Variants in ITGA9 observed in about 807,000 individuals in gnomAD.
ITGA9 encodes the protein integrin subunit alpha 9.
In ITGA9, 56 loss-of-function variants were observed where a neutral mutation model predicts 127.8. That is an observed-to-expected ratio of 0.44 (90% CI 0.35 to 0.55). The LOEUF is 0.55. Ranked by LOEUF, ITGA9 falls within the 20% of genes least tolerant of loss-of-function variation. The probability of loss-of-function intolerance (pLI) is 0.00; values close to 1 mark genes in which losing one functional copy is unlikely to be tolerated. For synonymous variants in ITGA9, 508 were observed against 514.5 expected (o/e 0.99, Z 0.17); for missense variants, 1,196 against 1,347.1 (o/e 0.89, Z 1.76).
intron 12 of ITGA9, among the ~76,000 whole-genome samples, chr3:37,524,397 C>A (rs758295626): frequency 1.3e-4 from 20 of 152,276 alleles, no homozygotes; most frequent in Non-Finnish European, 2.9e-4. Context: ...AGAAAACTAA[C>A]GCAGTCTTGT....
rs563849160 is a variant in ITGA9, at chr3:37,560,352, T to C, written c.1689+17767T>C. 3.3e-5 allele frequency among the ~76,000 whole-genome samples: 5 copies of C among 152,350 alleles called. No homozygotes were observed. The South Asian group carries it at 1.0e-3, about 32-fold the overall frequency. On this transcript the variant is annotated intron_variant, in intron 15 of 27. Coordinates refer to ENST00000264741, the MANE Select transcript of ITGA9 (RefSeq NM_002207.3). ...GCATTTTCTTAATCCAGTCTATCAT[T>C]GATGGACATTTGGATTGGTTCCAAG...
chr3:37,622,081 T>A (rs1700133658), intron 15 of ITGA9, among the ~76,000 whole-genome samples: 1 of 152,150 alleles, frequency 6.6e-6, no homozygotes, highest in Non-Finnish European at 1.5e-5. Context: ...AAAGTTTTGT[T>A]TAAAATTATT....
At chr3:37,494,698 T>G in intron 5 of ITGA9, 130 bp downstream of exon 5, 1 of 770,026 alleles carries the variant, frequency 1.3e-6, no homozygotes, top group Non-Finnish European at 2.3e-6. Flanking sequence ...GAGCAGATTC[T>G]GGTCCTCACA....
intron 1 of ITGA9, among the ~76,000 whole-genome samples, chr3:37,454,941 T>G (rs1698240344): frequency 1.3e-5 from 2 of 152,220 alleles, no homozygotes; most frequent in South Asian, 4.1e-4. Flanking sequence ...CTCCTTTTTC[T>G]TTCCTCTAGA....
At chr3:37,692,408 A>AGTGTGTGTGTGTGTGTGTGT (rs552452929) in intron 18 of ITGA9, among the ~76,000 whole-genome samples, 1 of 137,708 alleles carries the variant, frequency 7.3e-6, no homozygotes, top group Non-Finnish European at 1.5e-5. Flanking sequence ...TGAGAGAGAG[A>AGTGTGTGTGTGTGTGTGTGT]GAGAGTGTGT....
intron 21 of ITGA9, 143 bp downstream of exon 21, chr3:37,741,962 A>C (rs1444939206): frequency 2.4e-5 from 17 of 722,476 alleles, no homozygotes; most frequent in Non-Finnish European, 4.0e-5. Context: ...AGCAGGATGA[A>C]GCTTTAGCTG....
intron 15 of ITGA9, among the ~76,000 whole-genome samples, chr3:37,552,447 T>G (rs182910023): frequency 6.8e-6 from 1 of 147,404 alleles, no homozygotes; most frequent in East Asian, 1.9e-4. Context: ...ATCATTATTT[T>G]TAGTCAACGT....
At position 37,683,983 on chromosome 3, in the gene ITGA9, C is replaced by A. The variant is rs572089785; in HGVS notation, c.2035C>A (p.Arg679=). The A allele has an allele frequency of 2.2e-4, 348 of 1,613,826 alleles. 4 individuals carry two copies. In the South Asian group the frequency reaches 3.6e-3, roughly 17 times the overall value. ...TGCCAACGTGTCCTTCAATGTTTCC[C>A]GGGAGCTCTTCTTCATCAACATGTG... The part of the protein sequence containing the change: ...YDANVSFNVS[R]ELFFINMWQK... The change falls in exon 18 of 28, where the codon CGG becomes AGG. Residue 679 remains arginine, a synonymous_variant. Transcript: ENST00000264741.
chr3:37,463,493 G>A (rs1336646838), intron 1 of ITGA9, among the ~76,000 whole-genome samples: 2 of 152,190 alleles, frequency 1.3e-5, no homozygotes, highest in Non-Finnish European at 2.9e-5. Context: ...CCTCTTGCAG[G>A]CTAGCCTGGG....
At chr3:37,640,133 C>A (rs1298776164) in intron 16 of ITGA9, among the ~76,000 whole-genome samples, 2 of 152,104 alleles carry the variant, frequency 1.3e-5, no homozygotes, top group Non-Finnish European at 2.9e-5. Context: ...ATTTCTGGAG[C>A]CTGTGATTTG....
chr3:37,809,181 G>T (rs568647999), intron 27 of ITGA9, among the ~76,000 whole-genome samples: 40 of 151,626 alleles, frequency 2.6e-4, no homozygotes, highest in African/African-American at 9.4e-4. Flanking sequence ...CACCTCTTGG[G>T]TTCAAGAGAT....
rs35239140 is a variant in ITGA9 at position 37,819,197 on chromosome 3, G to A, written c.*208G>A. 15,088 of 603,914 alleles carry A rather than the reference G, an allele frequency of 0.025. 242 individuals are homozygous for A. Among genetic ancestry groups the A allele is most frequent in the Non-Finnish European group, 0.034 (11,370 of 337,580 alleles). The allele number at this position is 603,914 out of a possible 1,614,324, so 37.4% of individuals were successfully genotyped here. A position where few individuals can be genotyped will look rare whatever the true frequency, so the allele number is the denominator to read the frequency against. The stretch of plus-strand genomic sequence containing the variant: ...CGGGGCCAGCACCACTTCCTTTAAA[G>A]ATGAACTCTGAACTTTGGAGAGTGA... On this transcript the variant is annotated 3_prime_UTR_variant, in exon 28 of 28. Coordinates refer to ENST00000264741, the MANE Select transcript of ITGA9 (RefSeq NM_002207.3).
At chr3:37,714,143 A>G (rs1415354747) in intron 18 of ITGA9, among the ~76,000 whole-genome samples, 1 of 152,192 alleles carries the variant, frequency 6.6e-6, no homozygotes, top group Non-Finnish European at 1.5e-5. Context: ...TAATAGTTAC[A>G]TGGATATTGC....
chr3:37,733,669 A>G (rs57130823), intron 19 of ITGA9, among the ~76,000 whole-genome samples: 4,724 of 151,920 alleles, frequency 0.031, 210 homozygotes, highest in African/African-American at 0.099. Flanking sequence ...CTGGTGAGGG[A>G]GAAGACTTGG....
chr3:37,812,952 G>T (rs1299859392), intron 27 of ITGA9, among the ~76,000 whole-genome samples: 1 of 152,250 alleles, frequency 6.6e-6, no homozygotes, highest in Non-Finnish European at 1.5e-5. Flanking sequence ...CAAAAACAGA[G>T]ATTTGCCCAG....
intron 26 of ITGA9, among the ~76,000 whole-genome samples, chr3:37,789,606 A>AAAAAAATACC (rs1328092076): frequency 2.1e-5 from 3 of 143,574 alleles, no homozygotes; most frequent in Non-Finnish European, 4.6e-5. Context: ...AAAAAATACC[A>AAAAAAATACC]AAAAAAAAAA....
At chr3:37,716,232 G>T (rs934046603) in intron 18 of ITGA9, among the ~76,000 whole-genome samples, 1 of 152,138 alleles carries the variant, frequency 6.6e-6, no homozygotes, top group South Asian at 2.1e-4. Context: ...GCATCTGGGG[G>T]GTCAATGTGC....
chr3:37,575,141 C>T (rs1699640873), intron 15 of ITGA9, among the ~76,000 whole-genome samples: 1 of 152,064 alleles, frequency 6.6e-6, no homozygotes, highest in African/African-American at 2.4e-5. Context: ...GCTTCTCACC[C>T]CAAGGTACCC....
chr3:37,589,209 T>C (rs1699788921), intron 15 of ITGA9, among the ~76,000 whole-genome samples: 1 of 152,230 alleles, frequency 6.6e-6, no homozygotes, highest in Admixed American at 6.5e-5. Flanking sequence ...CATCAGCGAA[T>C]TGTAGCCACT....
Sources: gnomAD v4.1 joint callset for allele counts (sites outside exome capture counted in the v4.1 genomes callset) on GRCh38, gnomAD v4.1.1 for gene constraint, MANE v1.5 for transcripts, NCBI Gene and HGNC (gene_info 2026-07-23, HGNC 2026-07-21) for gene names.